Variants in SSX5 observed in about 807,000 individuals in gnomAD.
The protein encoded by SSX5 is protein SSX5.
In SSX5, 14 loss-of-function variants were observed where a neutral mutation model predicts 14.9. The ratio of observed to expected loss-of-function variants is 0.94; its 90% confidence interval spans 0.62 to 1.47. The LOEUF is 1.47. Ranked by LOEUF, SSX5 falls within the 40% of genes most tolerant of loss-of-function variation. The pLI is 0.00. For missense variants in SSX5, 204 were observed against 154.6 expected (o/e 1.32, Z -1.70); for synonymous variants, 70 against 55.4 (o/e 1.26, Z -1.17).
intron 4 of SSX5, among the ~76,000 whole-genome samples, chrX:48,192,780 T>A (rs1556925042): frequency 8.9e-6 from 1 of 112,391 alleles, no homozygotes; most frequent in East Asian, 2.8e-4. Flanking sequence ...CACTGGCTTT[T>A]CAGATCTCTT....
intron 4 of SSX5, 86 bp from the exon 5 acceptor site, chrX:48,192,367 A>C: frequency 8.7e-7 from 1 of 1,150,774 alleles, no homozygotes; most frequent in East Asian, 3.0e-5. Flanking sequence ...GGCATTCTGC[A>C]GCAGAGGTTA....
At chrX:48,196,346 C>G (rs1175196742) in intron 1 of SSX5, among the ~76,000 whole-genome samples, 1 of 109,743 alleles carries the variant, frequency 9.1e-6, no homozygotes, top group East Asian at 2.8e-4. Context: ...GCAACAGGAT[C>G]ACTTGAGCCC....
intron 6 of SSX5, among the ~76,000 whole-genome samples, chrX:48,188,887 G>A (rs1429884514): frequency 8.9e-6 from 1 of 112,304 alleles, no homozygotes; most frequent in Non-Finnish European, 1.9e-5. Flanking sequence ...GTGAACACAA[G>A]AATAAGAAAG....
chrX:48,196,053 A>G (rs1447274479), intron 1 of SSX5, among the ~76,000 whole-genome samples: 4 of 111,243 alleles, frequency 3.6e-5, no homozygotes, highest in Non-Finnish European at 7.5e-5. Context: ...TGGGAGGCCA[A>G]GGCGTGCAGA....
chrX:48,194,780 A>G lies in SSX5; in HGVS notation c.144T>C (p.Tyr48=), dbSNP rs2059433760. ...EKMKASEKII[Y]VYMKRKYEAM... Reference sequence around the variant, plus strand: ...CCTCATACTTTCTCTTCATATACACATAGATGATTTTCTCCGAGGCTTTCA... The same window carrying G: ...CCTCATACTTTCTCTTCATATACACGTAGATGATTTTCTCCGAGGCTTTCA... Residue 48 remains tyrosine, a synonymous_variant, in exon 3 of 8, where the codon TAT becomes TAC. Transcript: ENST00000347757. 1 of 1,210,577 alleles carries G rather than the reference A, an allele frequency of 8.3e-7. No homozygotes were observed. The highest frequency in any genetic ancestry group is 3.0e-5 in the East Asian group (1 of 33,834).
At chrX:48,195,107 T>C in intron 2 of SSX5, 183 bp downstream of exon 2, 1 of 1,209,673 alleles carries the variant, frequency 8.3e-7, no homozygotes, top group Non-Finnish European at 1.1e-6. Flanking sequence ...TATTCCACGG[T>C]CACAGACTTG....
At chrX:48,189,773 T>C (rs2059412655) in intron 6 of SSX5, among the ~76,000 whole-genome samples, 2 of 111,932 alleles carry the variant, frequency 1.8e-5, no homozygotes, top group African/African-American at 3.2e-5. Context: ...TAAGATATGA[T>C]CCCAGGTAAT....
chrX:48,195,652 G>A (rs1367723784), intron 1 of SSX5, among the ~76,000 whole-genome samples: 1 of 111,524 alleles, frequency 9.0e-6, no homozygotes, highest in Non-Finnish European at 1.9e-5. Flanking sequence ...GTTGTTAGTA[G>A]TTTCCCTGAG....
At position 48,190,206 on chromosome X, in the gene SSX5, G is replaced by T; in HGVS notation, c.393C>A (p.Gly131=). ...NDSKGVPEAS[G]PQNNGKQLRP... ...GCAGCTGTTTCCCATTGTTCTGTGG[G>T]CCAGATGCTTCTGGCACTCCCTTCG... Residue 131 remains glycine (G), a synonymous_variant, in exon 6 of 8, where the codon GGC becomes GGA. Coordinates refer to ENST00000347757, the MANE Select transcript of SSX5 (RefSeq NM_175723.2). The T allele has an allele frequency of 8.3e-7, 1 of 1,208,368 alleles. No individual in the cohort carries two copies. The highest frequency in any genetic ancestry group is 1.1e-6 in the Non-Finnish European group (1 of 894,065).
chrX:48,194,215 G>A lies in SSX5; in HGVS notation c.194C>T (p.Ala65Val), dbSNP rs1169870879. The A allele has an allele frequency of 8.3e-7, 1 of 1,207,665 alleles. No individual in the cohort carries two copies. Among genetic ancestry groups the A allele is most frequent in the Non-Finnish European group, 1.1e-6 (1 of 894,381 alleles). The change falls in exon 4 of 8, where the codon GCC becomes GTC. Residue 65 changes from alanine to valine, a missense_variant. Coordinates refer to ENST00000347757, the MANE Select transcript of SSX5 (RefSeq NM_175723.2). ...ATTACGCATGAAAGGTGGGAGGGTG[G>A]CCTTGAAACCTAGAAAGAAGCAAAA... ...YEAMTKLGFK[A>V]TLPPFMRNKR...
At position 48,190,345 on chromosome X, in the gene SSX5, A is replaced by C. The variant is rs148824596; in HGVS notation, c.331-77T>G. ...GCTTTAGAGCTTACAAAGAATCTTC[A>C]CATGCATTACCTTAATCAATGTTCT... On this transcript the variant is annotated intron_variant, in intron 5 of 7. Transcript: ENST00000347757. 1,086 of 1,071,877 alleles carry C rather than the reference A, an allele frequency of 1.0e-3. 5 individuals are homozygous for C. The African/African-American group carries it at 0.018, about 18-fold the overall frequency. The allele number at this position is 1,071,877 out of a possible 1,213,427, so 88.3% of individuals were successfully genotyped here. A position where few individuals can be genotyped will look rare whatever the true frequency, so the allele number is the denominator to read the frequency against.
rs368690178 is a variant in SSX5 at position 48,192,212 on chromosome X, T to C, written c.330+20A>G. 3.9e-5 allele frequency: 47 copies of C among 1,209,449 alleles called. No individual in the cohort carries two copies. The highest frequency in any genetic ancestry group is 5.0e-5 in the Non-Finnish European group (45 of 894,668). On this transcript the variant is annotated intron_variant, in intron 5 of 7. Transcript: ENST00000347757. ...AAGGGACAAAGGTTCTCTGGTCCTT[T>C]AGATTTGAGAGACACTCACCTTCGG...
Position 48,187,616 on chromosome X carries a change from G to T in SSX5, c.*4+11C>A. 8.3e-7 allele frequency: 1 copy of T among 1,204,449 alleles called. No individual in the cohort carries two copies. The highest frequency in any genetic ancestry group is 1.1e-6 in the Non-Finnish European group (1 of 890,601). On this transcript the variant is annotated intron_variant, in intron 7 of 7. Coordinates refer to ENST00000347757, the MANE Select transcript of SSX5 (RefSeq NM_175723.2). ...GCAAGGATGTGGGAGATGAGCCAAAGGTTCACTTACGGAGTTACTCGTCAT... is the reference window on the plus strand; with the variant it reads ...GCAAGGATGTGGGAGATGAGCCAAATGTTCACTTACGGAGTTACTCGTCAT...
Position 48,194,873 on chromosome X carries a change from T to C in SSX5, c.70-19A>G. 8.3e-7 allele frequency: 1 copy of C among 1,200,720 alleles called. No homozygotes were observed. Among genetic ancestry groups the C allele is most frequent in the South Asian group, 1.8e-5 (1 of 55,531 alleles). ...CGAAGGCCTAGAAAAAAAAAAAGGA[T>C]TTCTGATAGTGACTCAGCTAGGCAT... On this transcript the variant is annotated intron_variant, in intron 2 of 7. Transcript: ENST00000347757.
chrX:48,192,983 C>T (rs1383929117), intron 4 of SSX5, among the ~76,000 whole-genome samples: 1 of 111,983 alleles, frequency 8.9e-6, no homozygotes, highest in Non-Finnish European at 1.9e-5. Context: ...CTTTTTTTCA[C>T]CCCATGTTAT....
chrX:48,194,533 G>A lies in SSX5; in HGVS notation c.184+207C>T, dbSNP rs568205076. Among the ~76,000 whole-genome samples the A allele has an allele frequency of 7.2e-5, 8 of 110,942 alleles. No individual in the cohort carries two copies. In the South Asian group the frequency reaches 3.2e-3, roughly 44 times the overall value. On this transcript the variant is annotated intron_variant, in intron 3 of 7. Transcript: ENST00000347757. ...GACTCCTAAGGGAGAGAAACGTGCA[G>A]GATCCAGGTATGAGCTCCACTGTGG...
At chrX:48,187,409 G>A (rs1466649934) in intron 7 of SSX5, among the ~76,000 whole-genome samples, 2 of 110,653 alleles carry the variant, frequency 1.8e-5, no homozygotes, top group South Asian at 3.9e-4. Flanking sequence ...GCAGTGAGCC[G>A]AGATCATGCC....
rs782661083 is a variant in SSX5, at chrX:48,194,895, G to A, written c.70-41C>T. 213 of 1,203,533 alleles carry A rather than the reference G, an allele frequency of 1.8e-4. 1 individual carries two copies. In the South Asian group the frequency reaches 3.5e-3, roughly 20 times the overall value. On this transcript the variant is annotated intron_variant, in intron 2 of 7. Coordinates refer to ENST00000347757, the MANE Select transcript of SSX5 (RefSeq NM_175723.2). The stretch of plus-strand genomic sequence containing the variant: ...GGATTTCTGATAGTGACTCAGCTAG[G>A]CATGTCTGCCATTCAGCTGGAGCCG...
In SSX5 at chrX:48,195,335, T is replaced by A. The variant is rs377053689; in HGVS notation, c.24A>T (p.Val8=). MNGDDAF[V]RRPRVGSQIP... ...TTTGAGAACCAACCCTAGGTCTCCGTACAAAGGCATCGTCTCCGTTCATGG... is the reference window on the plus strand; with the variant it reads ...TTTGAGAACCAACCCTAGGTCTCCGAACAAAGGCATCGTCTCCGTTCATGG... Residue 8 remains valine, a synonymous_variant, in exon 2 of 8, where the codon GTA becomes GTT. Coordinates refer to ENST00000347757, the MANE Select transcript of SSX5 (RefSeq NM_175723.2). 5 of 1,209,923 alleles carry A rather than the reference T, an allele frequency of 4.1e-6. No individual in the cohort carries two copies. Among genetic ancestry groups the A allele is most frequent in the Non-Finnish European group, 1.1e-6 (1 of 895,230 alleles).
Sources: allele counts gnomAD v4.1 joint callset (sites outside exome capture counted in the v4.1 genomes callset), GRCh38; gene constraint gnomAD v4.1.1; transcripts MANE v1.5; gene names NCBI Gene and HGNC (gene_info 2026-07-23, HGNC 2026-07-21).